Variants in TTC7A observed in about 807,000 individuals in gnomAD.
TTC7A encodes the protein tetratricopeptide repeat protein 7A.
A neutral mutation model predicts 103.7 loss-of-function variants in TTC7A; 110 were observed. The observed-to-expected ratio is 1.06, with a 90% CI of 0.91 to 1.24. TTC7A has a LOEUF of 1.24. Ranked by LOEUF, TTC7A falls within the 50% of genes most tolerant of loss-of-function variation. The pLI is 0.00. For synonymous variants in TTC7A, 521 were observed against 467.9 expected (o/e 1.11, Z -1.47); for missense variants, 1,340 against 1,116.3 (o/e 1.20, Z -2.86).
In TTC7A at chr2:46,956,678, C is replaced by T. The variant is rs576820247; in HGVS notation, c.349-161C>T. On this transcript the variant is annotated intron_variant, in intron 2 of 19. Transcript: ENST00000319190. ...GTAGGCTGCAGACCATGGGTGAGAGCGGGGAGCTGTCGGCATGTGCTTGAG... is the reference window on the plus strand; with the variant it reads ...GTAGGCTGCAGACCATGGGTGAGAGTGGGGAGCTGTCGGCATGTGCTTGAG... 384 of 693,966 alleles carry T rather than the reference C, an allele frequency of 5.5e-4. 7 individuals carry two copies. Among genetic ancestry groups the T allele is most frequent in the South Asian group, 4.0e-3 (233 of 58,610 alleles). The allele number at this position is 693,966 out of a possible 1,614,324, so 43.0% of individuals were successfully genotyped here.
intron 19 of TTC7A, among the ~76,000 whole-genome samples, chr2:47,072,353 C>T (rs556589534): frequency 1.3e-5 from 2 of 152,236 alleles, no homozygotes; most frequent in Non-Finnish European, 1.5e-5. Flanking sequence ...CTTCCTCCCC[C>T]GCCCCCTGGC....
intron 12 of TTC7A, 74 bp from the exon 13 acceptor site, chr2:47,023,334 T>A: frequency 1.3e-6 from 2 of 1,513,058 alleles, no homozygotes; most frequent in Non-Finnish European, 1.8e-6. Flanking sequence ...CTGTGTGCTT[T>A]GAGGATGGTG....
intron 2 of TTC7A, among the ~76,000 whole-genome samples, chr2:46,934,946 G>A (rs185429060): frequency 9.2e-5 from 14 of 151,616 alleles, no homozygotes; most frequent in East Asian, 1.9e-4. Flanking sequence ...AACTACAGGC[G>A]CGCACCACCA....
chr2:47,072,159 C>G (rs1684790111), intron 19 of TTC7A, among the ~76,000 whole-genome samples: 1 of 152,192 alleles, frequency 6.6e-6, no homozygotes. Flanking sequence ...TGGCCACTAC[C>G]CTTGGTCCCA....
chr2:47,017,188 G>A (rs1231084856), intron 11 of TTC7A, among the ~76,000 whole-genome samples: 11 of 95,528 alleles, frequency 1.2e-4, no homozygotes, highest in East Asian at 3.5e-4. Flanking sequence ...CAACAAGAGC[G>A]ACACTCTGTC....
chr2:46,942,158 G>A (rs1473448105), intron 1 of TTC7A, among the ~76,000 whole-genome samples: 1 of 152,206 alleles, frequency 6.6e-6, no homozygotes, highest in African/African-American at 2.4e-5. Context: ...AGCAGACAGG[G>A]GCGAGGGTTT....
Position 46,994,527 on chromosome 2 carries a change from T to G in TTC7A, c.1001+13T>G. 6.2e-7 allele frequency: 1 copy of G among 1,613,264 alleles called. No homozygotes were observed. The highest frequency in any genetic ancestry group is 1.7e-4 in the Middle Eastern group (1 of 6,056). On this transcript the variant is annotated intron_variant, in intron 7 of 19. Transcript: ENST00000319190. ...ATGAAGGAGACAAGTAAGTTCTGCCTGCCCTGCTGCACCTTGCCAGTCTCA... is the reference window on the plus strand; with the variant it reads ...ATGAAGGAGACAAGTAAGTTCTGCCGGCCCTGCTGCACCTTGCCAGTCTCA...
At chr2:46,951,600 A>G in intron 2 of TTC7A, 1 of 453,020 alleles carries the variant, frequency 2.2e-6, no homozygotes, top group South Asian at 1.6e-5. Context: ...TATTTTCTTC[A>G]GGGTCTCGCT....
intron 8 of TTC7A, 93 bp from the exon 9 acceptor site, chr2:47,005,829 T>A (rs1289557294): frequency 6.9e-7 from 1 of 1,449,126 alleles, no homozygotes; most frequent in East Asian, 2.3e-5. Flanking sequence ...AAAAAGGTGA[T>A]AGCGGCTGGG....
At chr2:46,962,363 C>T (rs764218977) in intron 3 of TTC7A, among the ~76,000 whole-genome samples, 19 of 152,178 alleles carry the variant, frequency 1.2e-4, no homozygotes, top group Non-Finnish European at 2.4e-4. Flanking sequence ...TCAGTATGCA[C>T]GTCCATTCTA....
chr2:46,934,045 A>G (rs938844351), intron 2 of TTC7A, among the ~76,000 whole-genome samples: 18 of 152,190 alleles, frequency 1.2e-4, no homozygotes, highest in Non-Finnish European at 2.4e-4. Context: ...TAGTATAAGA[A>G]TGATTTGATG....
intron 14 of TTC7A, among the ~76,000 whole-genome samples, chr2:47,025,642 G>A (rs138682248): frequency 3.2e-4 from 48 of 152,260 alleles, no homozygotes; most frequent in South Asian, 1.0e-3. Context: ...GAGGCATTCT[G>A]TCTCCCTCTC....
rs995564172 is a variant in TTC7A, at chr2:46,994,174, C to T, written c.844-183C>T. 9.2e-5 allele frequency: 59 copies of T among 637,998 alleles called. No individual in the cohort carries two copies. The African/African-American group carries it at 9.6e-4, about 10-fold the overall frequency. The allele number at this position is 637,998 out of a possible 1,614,324, so 39.5% of individuals were successfully genotyped here. A position where few individuals can be genotyped will look rare whatever the true frequency, so the allele number is the denominator to read the frequency against. ...TCTGAGGCCAGCAGAGGGGTGGGAGCGCCAGTGTTGGAGGGACTGAAGGAG... is the reference window on the plus strand; with the variant it reads ...TCTGAGGCCAGCAGAGGGGTGGGAGTGCCAGTGTTGGAGGGACTGAAGGAG... On this transcript the variant is annotated intron_variant, in intron 6 of 19. Coordinates refer to ENST00000319190, the MANE Select transcript of TTC7A (RefSeq NM_020458.4).
At chr2:46,924,634 T>C (rs7593181) in intron 2 of TTC7A, among the ~76,000 whole-genome samples, 28,168 of 152,124 alleles carry the variant, frequency 0.19, 2,717 homozygotes, top group Middle Eastern at 0.21. Context: ...TTCTTTTTTT[T>C]TTTTCCCCTG....
In TTC7A at chr2:46,975,062, G is replaced by A. The variant is rs767203972; in HGVS notation, c.607G>A (p.Ala203Thr). 3.7e-6 allele frequency: 6 copies of A among 1,613,866 alleles called. No individual in the cohort carries two copies. Among genetic ancestry groups the A allele is most frequent in the Admixed American group, 1.7e-5 (1 of 59,982 alleles). ...EEEVITCFERASWIAQVFLQE... is the reference protein window; with the variant it reads ...EEEVITCFERTSWIAQVFLQE... ...GGAAGTGATCACCTGTTTTGAGAGG[G>A]CCTCCTGGATCGCTCAGGTGTTCCT... Residue 203 changes from alanine (A) to threonine (T), a missense_variant, in exon 4 of 20, where the codon GCC (alanine) becomes ACC (threonine). Ala to Thr is a moderately conservative substitution (Grantham distance 58). Coordinates refer to ENST00000319190, the MANE Select transcript of TTC7A (RefSeq NM_020458.4).
Position 47,011,311 on chromosome 2 carries a change from C to T in TTC7A, c.1288-20C>T. 1 of 1,609,878 alleles carries T rather than the reference C, an allele frequency of 6.2e-7. No individual in the cohort carries two copies. The highest frequency in any genetic ancestry group is 8.5e-7 in the Non-Finnish European group (1 of 1,177,244). ...TCCAGGACTGTGAGTGACAGTGTTTCCTGCTCTTTTTTTCTGCAGTCAGCC... is the reference window on the plus strand; with the variant it reads ...TCCAGGACTGTGAGTGACAGTGTTTTCTGCTCTTTTTTTCTGCAGTCAGCC... On this transcript the variant is annotated intron_variant, in intron 10 of 19. Coordinates refer to ENST00000319190, the MANE Select transcript of TTC7A (RefSeq NM_020458.4).
intron 15 of TTC7A, chr2:47,035,214 TGTA>T (rs1272937740): frequency 2.0e-5 from 3 of 152,240 alleles, no homozygotes; most frequent in Admixed American, 1.3e-4. Flanking sequence ...ATTAAGGACT[TGTA>T]GTACATCAAA....
intron 19 of TTC7A, among the ~76,000 whole-genome samples, chr2:47,063,848 C>G (rs562595482): frequency 1.3e-5 from 2 of 152,206 alleles, no homozygotes; most frequent in African/African-American, 4.8e-5. Context: ...TGGAGGTATT[C>G]TTAGTGTGCT....
chr2:47,072,174 G>A (rs1684791578), intron 19 of TTC7A, among the ~76,000 whole-genome samples: 1 of 152,194 alleles, frequency 6.6e-6, no homozygotes, highest in African/African-American at 2.4e-5. Context: ...GTCCCAGGCA[G>A]CCCTGAGTCA....
Sources: gnomAD v4.1 joint callset for allele counts (sites outside exome capture counted in the v4.1 genomes callset) on GRCh38, gnomAD v4.1.1 for gene constraint, MANE v1.5 for transcripts, NCBI Gene and HGNC (gene_info 2026-07-23, HGNC 2026-07-21) for gene names.